The following DCBLD2 variants were observed in gnomAD, a reference collection of about 807,000 sequenced individuals.
DCBLD2 encodes the protein discoidin, CUB and LCCL domain-containing protein 2.
A neutral mutation model predicts 86.8 loss-of-function variants in DCBLD2; 54 were observed. That is an observed-to-expected ratio of 0.62 (90% CI 0.50 to 0.78). DCBLD2 has a LOEUF of 0.78. DCBLD2 is among the 30% of genes least tolerant of loss of function. The pLI is 0.00. For synonymous variants in DCBLD2, 354 were observed against 341.3 expected, an observed-to-expected ratio of 1.04 and a Z score of -0.41; for missense variants, 908 against 954.2, an observed-to-expected ratio of 0.95 and a Z score of 0.64.
At chr3:98,810,438 A>G (rs1004246510) in intron 12 of DCBLD2, among the ~76,000 whole-genome samples, 1 of 152,238 alleles carries the variant, frequency 6.6e-6, no homozygotes, top group African/African-American at 2.4e-5. Flanking sequence ...CTGAAGTTCT[A>G]TGTGGCACAA....
At chr3:98,811,094 T>C in intron 12 of DCBLD2, 100 bp downstream of exon 12, 2 of 1,349,528 alleles carry the variant, frequency 1.5e-6, no homozygotes, top group Non-Finnish European at 2.0e-6. Flanking sequence ...AAAACTATAG[T>C]TGGAAGAAAA....
intron 3 of DCBLD2, 170 bp downstream of exon 3, chr3:98,849,291 G>T: frequency 1.3e-6 from 1 of 756,850 alleles, no homozygotes. Context: ...TTTTATTTTT[G>T]GAACTTTGAA....
chr3:98,811,375 ATAAACT>A, intron 11 of DCBLD2, 56 bp from the exon 12 acceptor site: 2 of 1,612,380 alleles, frequency 1.2e-6, no homozygotes, highest in Non-Finnish European at 1.7e-6. Context: ...CTTGATTAAC[ATAAACT>A]TATTTGATAA....
chr3:98,802,468 G>A (rs1185315067), intron 13 of DCBLD2, among the ~76,000 whole-genome samples: 3 of 152,096 alleles, frequency 2.0e-5, no homozygotes, highest in South Asian at 2.1e-4. Flanking sequence ...TTTGTCAGAT[G>A]AGTAGATTGC....
chr3:98,872,425 A>T (rs1241667891), intron 2 of DCBLD2, among the ~76,000 whole-genome samples: 1 of 152,192 alleles, frequency 6.6e-6, no homozygotes, highest in Non-Finnish European at 1.5e-5. Flanking sequence ...GAGTTGAAGC[A>T]GCACAAAACC....
At chr3:98,808,716 T>C (rs1035022918) in intron 12 of DCBLD2, among the ~76,000 whole-genome samples, 3 of 152,176 alleles carry the variant, frequency 2.0e-5, no homozygotes, top group African/African-American at 4.8e-5. Flanking sequence ...CAACAACTAA[T>C]TGATGAACAG....
chr3:98,900,199 G>A (rs1269205453), intron 1 of DCBLD2, among the ~76,000 whole-genome samples: 1 of 152,132 alleles, frequency 6.6e-6, no homozygotes, highest in Non-Finnish European at 1.5e-5. Context: ...ATAAAGCTGG[G>A]CTTAAAGGCA....
intron 1 of DCBLD2, among the ~76,000 whole-genome samples, chr3:98,897,909 A>G (rs1022708204): frequency 3.3e-5 from 5 of 152,250 alleles, no homozygotes; most frequent in African/African-American, 1.2e-4. Flanking sequence ...TACAGTCATA[A>G]TGGAAACCAG....
At position 98,817,783 on chromosome 3, in the gene DCBLD2, C is replaced by T. The variant is rs369681339; in HGVS notation, c.1198G>A (p.Val400Met). The change falls in exon 9 of 16, where the codon GTG becomes ATG. Residue 400 changes from valine to methionine, a missense_variant. Around this residue, in one of 3 missense-constraint regions of DCBLD2, gnomAD observed 606 missense variants for 678.5 expected, o/e 0.89. Transcript: ENST00000326840. ...AATCATTTTACCTTATCTTGCTCCA[C>T]ACCAGGCTCTCTGTACACAGTCCAT... ...QKWTVYREPGVEQDKIFQGNK... is the reference protein window; with the variant it reads ...QKWTVYREPGMEQDKIFQGNK... 5.0e-6 allele frequency: 8 copies of T among 1,613,460 alleles called. No individual in the cohort carries two copies. The highest frequency in any genetic ancestry group is 1.1e-5 in the South Asian group (1 of 91,058).
At chr3:98,837,881 C>A (rs1942503478) in intron 3 of DCBLD2, among the ~76,000 whole-genome samples, 1 of 139,326 alleles carries the variant, frequency 7.2e-6, no homozygotes. Flanking sequence ...GACCCCCCCA[C>A]CTCCCTCCCG....
chr3:98,854,169 A>G (rs943837408), intron 2 of DCBLD2, among the ~76,000 whole-genome samples: 6 of 152,216 alleles, frequency 3.9e-5, no homozygotes, highest in Non-Finnish European at 8.8e-5. Flanking sequence ...AGTGGGACAA[A>G]TCAAATGTAC....
At chr3:98,886,474 T>C (rs1386419278) in intron 1 of DCBLD2, among the ~76,000 whole-genome samples, 4 of 151,990 alleles carry the variant, frequency 2.6e-5, no homozygotes, top group South Asian at 2.1e-4. Context: ...CACCAATCCA[T>C]ACATTCTCAC....
intron 1 of DCBLD2, among the ~76,000 whole-genome samples, chr3:98,888,620 T>C (rs34860591): frequency 0.049 from 7,429 of 152,136 alleles, 252 homozygotes; most frequent in Non-Finnish European, 0.07. Context: ...TTGTGAGTAC[T>C]ATTATTGTCA....
At chr3:98,885,316 A>G (rs1213772036) in intron 1 of DCBLD2, among the ~76,000 whole-genome samples, 1 of 152,152 alleles carries the variant, frequency 6.6e-6, no homozygotes, top group Non-Finnish European at 1.5e-5. Context: ...ATATTTGACA[A>G]GTTTAACCTG....
intron 4 of DCBLD2, among the ~76,000 whole-genome samples, chr3:98,823,583 C>T (rs1942160788): frequency 1.3e-5 from 2 of 152,126 alleles, no homozygotes; most frequent in South Asian, 2.1e-4. Flanking sequence ...GTTTATATTC[C>T]AGTGGTAGAA....
intron 2 of DCBLD2, among the ~76,000 whole-genome samples, chr3:98,860,599 C>T (rs937816022): frequency 6.6e-6 from 1 of 152,156 alleles, no homozygotes; most frequent in East Asian, 1.9e-4. Flanking sequence ...AATTTTCAAC[C>T]CGGAATTTCA....
chr3:98,796,528 C>T lies in DCBLD2; in HGVS notation c.*2844G>A, dbSNP rs368329142. On this transcript the variant is annotated 3_prime_UTR_variant, in exon 16 of 16. Transcript: ENST00000326840. The stretch of plus-strand genomic sequence containing the variant: ...GGCCACATTCATATTTAGATAAGCT[C>T]GGACTCTGCTCCCCTCTTCTGGAGA... The T allele has an allele frequency of 2.6e-5, 4 of 152,724 alleles. No homozygotes were observed. The highest frequency in any genetic ancestry group is 3.4e-3 in the Middle Eastern group (1 of 294). The allele number at this position is 152,724 out of a possible 1,614,324, so 9.5% of individuals were successfully genotyped here. A position where few individuals can be genotyped will look rare whatever the true frequency, so the allele number is the denominator to read the frequency against.
chr3:98,856,283 A>G (rs1362733640), intron 2 of DCBLD2, among the ~76,000 whole-genome samples: 1 of 152,190 alleles, frequency 6.6e-6, no homozygotes, highest in Admixed American at 6.5e-5. Context: ...AATCTGCCTC[A>G]AAACCTCAGA....
At chr3:98,830,421 TAAGG>T (rs777428885) in intron 3 of DCBLD2, among the ~76,000 whole-genome samples, 8 of 152,220 alleles carry the variant, frequency 5.3e-5, no homozygotes, top group Admixed American at 1.3e-4. Context: ...GGATATGATA[TAAGG>T]AAGGGGTCCA....
Sources: gnomAD v4.1 joint callset for allele counts (sites outside exome capture counted in the v4.1 genomes callset) on GRCh38, gnomAD v4.1.1 for gene constraint, gnomAD v4.1.1 regional missense constraint, MANE v1.5 for transcripts, NCBI Gene and HGNC (gene_info 2026-07-23, HGNC 2026-07-21) for gene names.